Variants in CDH12 observed in about 807,000 individuals in gnomAD.
The protein encoded by CDH12 is cadherin 12.
In CDH12, 41 loss-of-function variants were observed where a neutral mutation model predicts 74.1. The ratio of observed to expected loss-of-function variants is 0.55; its 90% CI spans 0.43 to 0.72. The LOEUF (loss-of-function observed/expected upper bound fraction) is 0.72, where lower values mean the gene tolerates loss of function less well. Among genes scored for constraint, CDH12 ranks in the 30% least tolerant of loss-of-function variants. The pLI, the probability that CDH12 is intolerant of heterozygous loss-of-function variation, is 0.00. For synonymous variants in CDH12, 399 were observed against 355.0 expected, an observed-to-expected ratio of 1.12 and a Z score of -1.39; for missense variants, 945 against 977.2, an observed-to-expected ratio of 0.97 and a Z score of 0.44.
At chr5:21,813,862 T>C (rs1026695435) in intron 9 of CDH12, among the ~76,000 whole-genome samples, 1 of 152,156 alleles carries the variant, frequency 6.6e-6, no homozygotes, top group African/African-American at 2.4e-5. Context: ...CATCCTACTT[T>C]AAGTCTTTCT....
At chr5:22,447,537 TTAAA>T (rs1222874170) in intron 2 of CDH12, among the ~76,000 whole-genome samples, 1 of 152,142 alleles carries the variant, frequency 6.6e-6, no homozygotes, top group African/African-American at 2.4e-5. Context: ...TATTTTTGTA[TTAAA>T]TAATACATGC....
chr5:22,235,299 C>T (rs983371336), intron 3 of CDH12, among the ~76,000 whole-genome samples: 3 of 152,008 alleles, frequency 2.0e-5, no homozygotes, highest in Non-Finnish European at 2.9e-5. Context: ...ACAAATTATA[C>T]GGCCAGACAC....
At chr5:22,395,729 A>G (rs1742426743) in intron 3 of CDH12, among the ~76,000 whole-genome samples, 1 of 152,178 alleles carries the variant, frequency 6.6e-6, no homozygotes, top group African/African-American at 2.4e-5. Context: ...AAATAAATGT[A>G]GGGAACATCG....
At chr5:22,383,228 G>C (rs556315055) in intron 3 of CDH12, among the ~76,000 whole-genome samples, 1 of 152,266 alleles carries the variant, frequency 6.6e-6, no homozygotes, top group East Asian at 1.9e-4. Flanking sequence ...CAGAGGACCA[G>C]CATTATAATT....
At chr5:22,732,257 T>C (rs1156910289) in intron 1 of CDH12, among the ~76,000 whole-genome samples, 1 of 151,740 alleles carries the variant, frequency 6.6e-6, no homozygotes, top group Non-Finnish European at 1.5e-5. Context: ...TATATCTTTG[T>C]CCTAATCTCC....
At chr5:22,500,786 C>G (rs2126655337) in intron 2 of CDH12, among the ~76,000 whole-genome samples, 1 of 152,214 alleles carries the variant, frequency 6.6e-6, no homozygotes, top group East Asian at 1.9e-4. Flanking sequence ...TCTTGGTATC[C>G]TTTCCCCAGA....
chr5:22,442,590 T>C (rs1159042448), intron 2 of CDH12, among the ~76,000 whole-genome samples: 1 of 152,214 alleles, frequency 6.6e-6, no homozygotes, highest in Non-Finnish European at 1.5e-5. Flanking sequence ...ATTGTGACAC[T>C]AGCTACCTTT....
At chr5:21,796,707 C>G (rs1034934033) in intron 10 of CDH12, among the ~76,000 whole-genome samples, 5 of 151,888 alleles carry the variant, frequency 3.3e-5, no homozygotes, top group African/African-American at 1.2e-4. Context: ...GGATAACAGA[C>G]TTTTATACGT....
chr5:21,875,293 A>G (rs928227879), intron 6 of CDH12, among the ~76,000 whole-genome samples: 1 of 152,218 alleles, frequency 6.6e-6, no homozygotes, highest in Non-Finnish European at 1.5e-5. Flanking sequence ...CTTCAAACAT[A>G]AAATGGGAGT....
At chr5:21,815,434 C>G (rs1389490182) in intron 9 of CDH12, among the ~76,000 whole-genome samples, 1 of 152,078 alleles carries the variant, frequency 6.6e-6, no homozygotes, top group East Asian at 1.9e-4. Context: ...AATGTGCACA[C>G]CTTAAATGCC....
intron 1 of CDH12, among the ~76,000 whole-genome samples, chr5:22,817,100 T>C (rs1749430861): frequency 6.6e-6 from 1 of 152,118 alleles, no homozygotes; most frequent in African/African-American, 2.4e-5. Flanking sequence ...ATGCTATTAC[T>C]AGTCGTAATA....
At chr5:22,126,339 C>T (rs532422134) in intron 4 of CDH12, among the ~76,000 whole-genome samples, 1 of 152,194 alleles carries the variant, frequency 6.6e-6, no homozygotes, top group African/African-American at 2.4e-5. Flanking sequence ...AACTAATGTG[C>T]TCTGCTATGC....
chr5:22,688,827 T>G (rs929669488), intron 1 of CDH12, among the ~76,000 whole-genome samples: 1 of 152,294 alleles, frequency 6.6e-6, no homozygotes, highest in South Asian at 2.1e-4. Flanking sequence ...TATTTGAGGC[T>G]TTTGACATAG....
intron 1 of CDH12, among the ~76,000 whole-genome samples, chr5:22,714,679 G>C (rs1026528424): frequency 3.9e-5 from 6 of 152,154 alleles, no homozygotes; most frequent in African/African-American, 1.4e-4. Context: ...ACATCAGACA[G>C]CTAATTTATC....
chr5:21,832,887 A>ATGATATATG (rs1276822123), intron 8 of CDH12, among the ~76,000 whole-genome samples: 2 of 55,634 alleles, frequency 3.6e-5, no homozygotes, highest in African/African-American at 3.2e-4. Flanking sequence ...ATATAATATT[A>ATGATATATG]ATATATATCA....
chr5:22,638,448 A>T (rs1408163962), intron 1 of CDH12, among the ~76,000 whole-genome samples: 1 of 152,104 alleles, frequency 6.6e-6, no homozygotes, highest in East Asian at 1.9e-4. Flanking sequence ...TGGAGGCTGG[A>T]AGAGTCAGCT....
At chr5:21,927,429 A>AT (rs1754636170) in intron 6 of CDH12, among the ~76,000 whole-genome samples, 1 of 110,850 alleles carries the variant, frequency 9.0e-6, no homozygotes, top group Admixed American at 9.5e-5. Flanking sequence ...ACTAAAAATA[A>AT]AAAAAAAAAT....
chr5:22,810,929 G>A (rs1299436270), intron 1 of CDH12, among the ~76,000 whole-genome samples: 9 of 144,412 alleles, frequency 6.2e-5, no homozygotes, highest in African/African-American at 2.5e-4. Context: ...GTGTGTGTGT[G>A]TATACACATA....
At chr5:21,806,176 T>C (rs1244784326) in intron 9 of CDH12, among the ~76,000 whole-genome samples, 5 of 152,122 alleles carry the variant, frequency 3.3e-5, no homozygotes, top group Admixed American at 6.6e-5. Context: ...AAATAAAAAA[T>C]ATTTTACCCC....
Sources: allele counts gnomAD v4.1 joint callset (sites outside exome capture counted in the v4.1 genomes callset), GRCh38; gene constraint gnomAD v4.1.1; transcripts MANE v1.5; gene names NCBI Gene and HGNC (gene_info 2026-07-23, HGNC 2026-07-21).